Variants in PLXDC2 observed in about 807,000 individuals in gnomAD.
The protein encoded by PLXDC2 is plexin domain containing 2.
PLXDC2 carries 40 observed loss-of-function variants against 68.9 expected under a neutral mutation model. That is an observed-to-expected ratio of 0.58 (90% CI 0.45 to 0.76). The LOEUF (loss-of-function observed/expected upper bound fraction) is 0.76, where lower values mean the gene tolerates loss of function less well. Ranked by LOEUF, PLXDC2 falls within the 30% of genes least tolerant of loss-of-function variation. PLXDC2 has a pLI of 0.00. For synonymous variants in PLXDC2, 243 were observed against 234.2 expected (o/e 1.04, Z -0.34); for missense variants, 644 against 661.9 (o/e 0.97, Z 0.30).
At position 19,859,887 on chromosome 10, in the gene PLXDC2, G is replaced by A. The variant is rs190666585; in HGVS notation, c.112+42696G>A. Among the ~76,000 whole-genome samples, 570 of 152,006 alleles carry A rather than the reference G, an allele frequency of 3.7e-3. 3 individuals carry two copies. The highest frequency in any genetic ancestry group is 0.013 in the African/African-American group (546 of 41,460). ...GCTGGGATTACAGGTGCGCTCCACC[G>A]TGCCCAGCTAATTTTTGTATTTTTA... On this transcript the variant is annotated intron_variant, in intron 1 of 13. Coordinates refer to ENST00000377252, the MANE Select transcript of PLXDC2 (RefSeq NM_032812.9).
chr10:19,817,335 C>T (rs1836372116), intron 1 of PLXDC2, 144 bp downstream of exon 1: 6 of 705,970 alleles, frequency 8.5e-6, no homozygotes, highest in South Asian at 7.3e-5. Flanking sequence ...TAAACTTAGG[C>T]TTCCCAAATG....
At chr10:20,025,270 T>C (rs1271737743) in intron 2 of PLXDC2, among the ~76,000 whole-genome samples, 1 of 12,422 alleles carries the variant, frequency 8.1e-5, no homozygotes. Context: ...TTTTTCGACT[T>C]TTTTTTTTTT....
At chr10:20,044,211 G>GTCTTTCTTTT (rs1835743123) in intron 2 of PLXDC2, among the ~76,000 whole-genome samples, 4 of 68,548 alleles carry the variant, frequency 5.8e-5, no homozygotes, top group Non-Finnish European at 9.1e-5. Context: ...CTCTCTCTCT[G>GTCTTTCTTTT]TCTTTCTTTC....
At chr10:19,991,079 T>C (rs1834741036) in intron 1 of PLXDC2, among the ~76,000 whole-genome samples, 1 of 152,060 alleles carries the variant, frequency 6.6e-6, no homozygotes, top group South Asian at 2.1e-4. Flanking sequence ...AAACCCCATC[T>C]CCACTAAAAA....
At chr10:20,052,692 C>T (rs112435369) in intron 3 of PLXDC2, among the ~76,000 whole-genome samples, 182 of 100,214 alleles carry the variant, frequency 1.8e-3, no homozygotes, top group African/African-American at 6.8e-3. Context: ...TTTGCATGCC[C>T]AAGAATATAT....
chr10:19,872,321 G>C (rs374926534), intron 1 of PLXDC2, among the ~76,000 whole-genome samples: 5 of 152,146 alleles, frequency 3.3e-5, no homozygotes, highest in Admixed American at 1.3e-4. Flanking sequence ...GAAAAGTCAA[G>C]GAAATCTCAC....
At chr10:20,210,123 A>C (rs559597920) in intron 9 of PLXDC2, among the ~76,000 whole-genome samples, 2 of 152,274 alleles carry the variant, frequency 1.3e-5, no homozygotes, top group African/African-American at 4.8e-5. Flanking sequence ...CCCTTCTCCA[A>C]GACCTTTAGT....
intron 9 of PLXDC2, among the ~76,000 whole-genome samples, chr10:20,188,352 C>T (rs114140760): frequency 8.5e-4 from 129 of 151,634 alleles, no homozygotes; most frequent in African/African-American, 3.0e-3. Flanking sequence ...TGAGAACATG[C>T]GGTACTCATC....
intron 7 of PLXDC2, among the ~76,000 whole-genome samples, chr10:20,166,729 C>CA (rs1220790262): frequency 6.6e-6 from 1 of 151,952 alleles, no homozygotes; most frequent in Non-Finnish European, 1.5e-5. Context: ...AACCAAAATA[C>CA]AAAAATTTTT....
chr10:19,838,612 A>G (rs1836842219), intron 1 of PLXDC2, among the ~76,000 whole-genome samples: 2 of 152,236 alleles, frequency 1.3e-5, no homozygotes, highest in Admixed American at 6.5e-5. Context: ...AATGTTTGCT[A>G]TAAAAGCCTG....
intron 1 of PLXDC2, among the ~76,000 whole-genome samples, chr10:19,889,247 A>C (rs1265852753): frequency 6.6e-6 from 1 of 151,972 alleles, no homozygotes; most frequent in African/African-American, 2.4e-5. Context: ...AATTCATATG[A>C]CAAGCTCTGT....
At chr10:20,219,243 G>A in intron 12 of PLXDC2, 141 bp downstream of exon 12, 2 of 852,702 alleles carry the variant, frequency 2.3e-6, no homozygotes, top group Non-Finnish European at 3.4e-6. Context: ...AACATGGGAA[G>A]GAGTCAGTGG....
intron 13 of PLXDC2, among the ~76,000 whole-genome samples, chr10:20,273,981 T>C (rs906696849): frequency 6.6e-6 from 1 of 151,372 alleles, no homozygotes; most frequent in African/African-American, 2.4e-5. Context: ...TGAGGCTGCA[T>C]TGAGAGTTGA....
intron 6 of PLXDC2, among the ~76,000 whole-genome samples, chr10:20,159,833 A>G (rs537295025): frequency 2.6e-5 from 4 of 152,226 alleles, no homozygotes; most frequent in African/African-American, 4.8e-5. Flanking sequence ...AAATATCCAC[A>G]TGACAGATTT....
intron 1 of PLXDC2, among the ~76,000 whole-genome samples, chr10:19,988,574 T>A (rs1589572198): frequency 6.6e-6 from 1 of 152,050 alleles, no homozygotes. Context: ...AAAAATGAAG[T>A]ATTTAGTTAT....
At chr10:20,143,542 G>T in intron 5 of PLXDC2, 125 bp downstream of exon 5, 1 of 1,176,568 alleles carries the variant, frequency 8.5e-7, no homozygotes, top group Non-Finnish European at 1.2e-6. Context: ...CAAATGGTCT[G>T]AGAGGACAAA....
intron 4 of PLXDC2, among the ~76,000 whole-genome samples, chr10:20,126,328 T>C (rs567702434): frequency 2.8e-5 from 4 of 144,892 alleles, no homozygotes; most frequent in Admixed American, 7.0e-5. Context: ...AATATATACA[T>C]ATACGTTATA....
chr10:20,015,182 A>G (rs1038144048), intron 2 of PLXDC2, among the ~76,000 whole-genome samples: 7 of 152,196 alleles, frequency 4.6e-5, no homozygotes, highest in Non-Finnish European at 1.5e-5. Flanking sequence ...CACCTTATCA[A>G]TGTATCATTG....
intron 1 of PLXDC2, among the ~76,000 whole-genome samples, chr10:19,966,689 A>G (rs1299269947): frequency 6.6e-6 from 1 of 151,882 alleles, no homozygotes; most frequent in Admixed American, 6.6e-5. Context: ...CTTCCTTAAT[A>G]CCACTGAACA....
Sources: allele counts gnomAD v4.1 joint callset (sites outside exome capture counted in the v4.1 genomes callset), GRCh38; gene constraint gnomAD v4.1.1; transcripts MANE v1.5; gene names NCBI Gene and HGNC (gene_info 2026-07-23, HGNC 2026-07-21).